The following DNAH11 variants were observed in gnomAD, a reference collection of about 807,000 sequenced individuals.
DNAH11 encodes axonemal beta dynein heavy chain 11.
A neutral mutation model predicts 526.0 loss-of-function variants in DNAH11; 442 were observed. That is an observed-to-expected ratio of 0.84 (90% confidence interval 0.78 to 0.91). The LOEUF is 0.91. Ranked by LOEUF, DNAH11 falls within the 40% of genes least tolerant of loss-of-function variation. The pLI is 0.00. For synonymous variants in DNAH11, 2,461 were observed against 1,935.9 expected (o/e 1.27, Z -7.12); for missense variants, 6,989 against 5,448.7 (o/e 1.28, Z -8.90).
At chr7:21,716,718 A>G (rs760009296) in intron 42 of DNAH11, among the ~76,000 whole-genome samples, 33 of 152,132 alleles carry the variant, frequency 2.2e-4, no homozygotes, top group Non-Finnish European at 4.0e-4. Flanking sequence ...CGCGGTTCCC[A>G]CTGTCGCTAC....
At chr7:21,854,991 CAT>C (rs962760781) in intron 68 of DNAH11, among the ~76,000 whole-genome samples, 8 of 150,530 alleles carry the variant, frequency 5.3e-5, no homozygotes, top group African/African-American at 1.2e-4. Flanking sequence ...CATACGGTAT[CAT>C]ATTATATTGG....
intron 39 of DNAH11, among the ~76,000 whole-genome samples, 194 bp from the exon 40 acceptor site, chr7:21,707,505 G>A (rs530617581): frequency 6.6e-6 from 1 of 152,234 alleles, no homozygotes; most frequent in Non-Finnish European, 1.5e-5. Context: ...CTGTCTTGCT[G>A]AGTATTTGTA....
chr7:21,767,837 C>G (rs971207729), intron 55 of DNAH11, among the ~76,000 whole-genome samples: 11 of 151,982 alleles, frequency 7.2e-5, no homozygotes, highest in Admixed American at 6.5e-4. Context: ...TTTTAATTTC[C>G]TTTTTTAAGA....
chr7:21,842,927 G>T (rs1484242447), intron 66 of DNAH11, among the ~76,000 whole-genome samples, 179 bp downstream of exon 66: 1 of 152,228 alleles, frequency 6.6e-6, no homozygotes, highest in East Asian at 1.9e-4. Context: ...ATAAATGCTA[G>T]ATTGTTACGG....
chr7:21,841,028 AC>A (rs1212736646), intron 65 of DNAH11, among the ~76,000 whole-genome samples: 1 of 152,128 alleles, frequency 6.6e-6, no homozygotes, highest in Non-Finnish European at 1.5e-5. Flanking sequence ...CTAAAAATAT[AC>A]AAAAATTAGC....
At chr7:21,875,593 C>A (rs1376043937) in intron 74 of DNAH11, among the ~76,000 whole-genome samples, 1 of 152,074 alleles carries the variant, frequency 6.6e-6, no homozygotes, top group Non-Finnish European at 1.5e-5. Flanking sequence ...CCCAGGAGTT[C>A]GAGGCTGCAG....
At chr7:21,706,382 T>C (rs1050922473) in intron 39 of DNAH11, among the ~76,000 whole-genome samples, 1 of 152,178 alleles carries the variant, frequency 6.6e-6, no homozygotes, top group African/African-American at 2.4e-5. Flanking sequence ...ATTGAGCATA[T>C]GAGATTTTAG....
At chr7:21,840,886 A>T (rs539699101) in intron 65 of DNAH11, among the ~76,000 whole-genome samples, 15 of 152,320 alleles carry the variant, frequency 9.8e-5, no homozygotes, top group Non-Finnish European at 1.8e-4. Context: ...GTAATTTTTT[A>T]AATATATGTG....
intron 52 of DNAH11, 64 bp downstream of exon 52, chr7:21,748,806 A>G: frequency 6.6e-7 from 1 of 1,523,108 alleles, no homozygotes; most frequent in Non-Finnish European, 8.9e-7. Context: ...CGAGGCTCCT[A>G]GTGCGCCCGT....
intron 6 of DNAH11, among the ~76,000 whole-genome samples, chr7:21,565,756 A>T (rs1005028535): frequency 6.6e-6 from 1 of 152,194 alleles, no homozygotes; most frequent in Non-Finnish European, 1.5e-5. Context: ...ACCTAAGTGA[A>T]ATGCCCAGCG....
chr7:21,653,432 C>G (rs1781871753), intron 28 of DNAH11, among the ~76,000 whole-genome samples: 1 of 152,132 alleles, frequency 6.6e-6, no homozygotes, highest in Non-Finnish European at 1.5e-5. Flanking sequence ...ATTTGTGTTT[C>G]CTGGTCATTG....
intron 57 of DNAH11, among the ~76,000 whole-genome samples, chr7:21,782,504 A>T (rs1787991103): frequency 6.6e-6 from 1 of 152,224 alleles, no homozygotes; most frequent in Non-Finnish European, 1.5e-5. Context: ...CATTTGTATA[A>T]GTGAGTTTTT....
Position 21,705,497 on chromosome 7 carries a change from C to T in DNAH11, c.6506C>T (p.Ser2169Leu), listed in dbSNP as rs373946181. The T allele has an allele frequency of 4.2e-5, 68 of 1,613,622 alleles. No homozygotes were observed. In the African/African-American group the frequency reaches 5.7e-4, roughly 14 times the overall value. Residue 2169 changes from serine to leucine, a missense_variant, in exon 39 of 82, where the codon TCG (serine) becomes TTG (leucine). Transcript: ENST00000409508. ...GAGGAACTGTTGGCTGTGCGGCACTCGGTCTTTGTAGTTGGAAATGCAGGC... is the reference window on the plus strand; with the variant it reads ...GAGGAACTGTTGGCTGTGCGGCACTTGGTCTTTGTAGTTGGAAATGCAGGC... ...QLEELLAVRH[S>L]VFVVGNAGTG... is the part of the protein sequence containing the mutation.
In DNAH11 at chr7:21,801,775, T is replaced by C. The variant is rs569797394; in HGVS notation, c.10165+500T>C. On this transcript the variant is annotated intron_variant, in intron 62 of 81. Coordinates refer to ENST00000409508, the MANE Select transcript of DNAH11 (RefSeq NM_001277115.2). ...TTAATATACATTTGCCATTGAATTC[T>C]ACCAGCAAATGATTTCTTTCAAGTT... Among the ~76,000 whole-genome samples, 3 of 152,378 alleles carry C rather than the reference T, an allele frequency of 2.0e-5. No individual in the cohort carries two copies. The South Asian group carries it at 6.2e-4, about 32-fold the overall frequency.
intron 45 of DNAH11, among the ~76,000 whole-genome samples, chr7:21,729,323 T>C (rs1359135562): frequency 6.6e-6 from 1 of 152,230 alleles, no homozygotes; most frequent in Non-Finnish European, 1.5e-5. Flanking sequence ...CCCTGGCTTC[T>C]TCTGAAATAG....
chr7:21,606,259 G>C (rs181986209), intron 18 of DNAH11, among the ~76,000 whole-genome samples, 167 bp from the exon 19 acceptor site: 2 of 152,100 alleles, frequency 1.3e-5, no homozygotes, highest in East Asian at 3.9e-4. Flanking sequence ...GGAGGTGAAG[G>C]TTTCAGTGAG....
intron 55 of DNAH11, among the ~76,000 whole-genome samples, chr7:21,769,499 T>A (rs1314197997): frequency 6.6e-6 from 1 of 152,038 alleles, no homozygotes; most frequent in African/African-American, 2.4e-5. Context: ...TTTTTTCTTT[T>A]TTTGAGAGGG....
chr7:21,850,272 C>T (rs868141080), intron 66 of DNAH11, among the ~76,000 whole-genome samples: 14 of 148,976 alleles, frequency 9.4e-5, no homozygotes, highest in South Asian at 2.1e-4. Flanking sequence ...AGGAGAATGG[C>T]GTGAACCCGG....
At chr7:21,899,848 C>G in intron 80 of DNAH11, 132 bp from the exon 81 acceptor site, 1 of 1,109,306 alleles carries the variant, frequency 9.0e-7, no homozygotes, top group Non-Finnish European at 1.3e-6. Flanking sequence ...CCTGCTCCAG[C>G]GCAGCCATGT....
Sources: gnomAD v4.1 joint callset for allele counts (sites outside exome capture counted in the v4.1 genomes callset) on GRCh38, gnomAD v4.1.1 for gene constraint, MANE v1.5 for transcripts, NCBI Gene and HGNC (gene_info 2026-07-23, HGNC 2026-07-21) for gene names.